GPHN: variants seen among roughly 807,000 people sequenced by gnomAD.
GPHN encodes gephyrin.
A neutral mutation model predicts 95.5 loss-of-function variants in GPHN; 17 were observed. The ratio of observed to expected loss-of-function variants is 0.18; its 90% CI spans 0.12 to 0.27. The LOEUF (loss-of-function observed/expected upper bound fraction) is 0.27, where lower values mean the gene tolerates loss of function less well. Among genes scored for constraint, GPHN ranks in the 10% least tolerant of loss-of-function variants. The probability of loss-of-function intolerance (pLI) is 1.00; values close to 1 mark genes in which losing one functional copy is unlikely to be tolerated. For missense variants in GPHN, 660 were observed against 978.1 expected, an observed-to-expected ratio of 0.67 and a Z score of 4.34; for synonymous variants, 320 against 322.5, an observed-to-expected ratio of 0.99 and a Z score of 0.08.
chr14:67,511,841 G>T, the GPHN span, among the ~76,000 whole-genome samples: 6 of 152,224 alleles, frequency 3.9e-5, no homozygotes, highest in Non-Finnish European at 7.3e-5. Flanking sequence ...GCAGCCTGAT[G>T]AATGGGAAAA....
chr14:67,344,817 G>C, the GPHN span, among the ~76,000 whole-genome samples: 46 of 151,504 alleles, frequency 3.0e-4, no homozygotes, highest in Non-Finnish European at 5.9e-4. Flanking sequence ...GGAGATCCAG[G>C]CTGCAGTTAG....
At chr14:67,423,940 T>TA in the GPHN span, among the ~76,000 whole-genome samples, 1 of 152,196 alleles carries the variant, frequency 6.6e-6, no homozygotes, top group African/African-American at 2.4e-5. Flanking sequence ...GGCACTTTTT[T>TA]AAAAAGTAGG....
chr14:66,966,358 G>C (rs1267134458), intron 9 of GPHN, among the ~76,000 whole-genome samples: 1 of 151,918 alleles, frequency 6.6e-6, no homozygotes. Flanking sequence ...AATGTTTCCA[G>C]TGTTACTGTT....
intron 11 of GPHN, among the ~76,000 whole-genome samples, chr14:67,064,394 C>T (rs1014881377): frequency 6.6e-6 from 1 of 152,064 alleles, no homozygotes; most frequent in Non-Finnish European, 1.5e-5. Context: ...CTAAAATTCT[C>T]TTTTTTTGTT....
the GPHN span, chr14:67,593,968 G>C: frequency 6.4e-7 from 1 of 1,562,498 alleles, no homozygotes; most frequent in Non-Finnish European, 8.8e-7. Flanking sequence ...GAGAGAGCCA[G>C]ACACAGACAG....
the GPHN span, among the ~76,000 whole-genome samples, chr14:67,584,683 T>C: frequency 1.3e-5 from 2 of 152,174 alleles, no homozygotes; most frequent in African/African-American, 4.8e-5. Context: ...ATTCAACAAA[T>C]AGTTGAGCTC....
chr14:66,817,315 A>G (rs2061013276), intron 3 of GPHN, among the ~76,000 whole-genome samples: 1 of 152,154 alleles, frequency 6.6e-6, no homozygotes. Flanking sequence ...AAATTAACTT[A>G]TATAATCATA....
chr14:66,972,886 C>T (rs1031639093), intron 9 of GPHN, among the ~76,000 whole-genome samples: 1 of 152,054 alleles, frequency 6.6e-6, no homozygotes, highest in African/African-American at 2.4e-5. Context: ...GATCTACTGC[C>T]TTAATTTATA....
At chr14:67,544,469 T>C in the GPHN span, among the ~76,000 whole-genome samples, 1 of 151,960 alleles carries the variant, frequency 6.6e-6, no homozygotes, top group Non-Finnish European at 1.5e-5. Flanking sequence ...GAATATATAA[T>C]CAAAAATGAC....
intron 2 of GPHN, among the ~76,000 whole-genome samples, chr14:66,695,944 T>C (rs966170647): frequency 3.3e-5 from 5 of 152,184 alleles, no homozygotes; most frequent in African/African-American, 1.2e-4. Context: ...CATGTTATGA[T>C]GCATTGTCTA....
At chr14:66,656,016 T>C (rs1461428680) in intron 1 of GPHN, among the ~76,000 whole-genome samples, 3 of 152,160 alleles carry the variant, frequency 2.0e-5, no homozygotes, top group African/African-American at 7.2e-5. Context: ...TTGTTAAGGA[T>C]CTTTTGGATA....
the GPHN span, among the ~76,000 whole-genome samples, chr14:67,510,157 A>G: frequency 6.6e-6 from 1 of 152,244 alleles, no homozygotes; most frequent in Non-Finnish European, 1.5e-5. Context: ...GATAATTAAT[A>G]GTAGCTATCT....
intron 10 of GPHN, among the ~76,000 whole-genome samples, chr14:67,058,283 G>A (rs906497646): frequency 6.6e-6 from 1 of 152,100 alleles, no homozygotes; most frequent in Non-Finnish European, 1.5e-5. Context: ...AAAATTTTGC[G>A]ATTTTGATTG....
At chr14:66,991,046 T>C (rs2071385468) in intron 9 of GPHN, among the ~76,000 whole-genome samples, 1 of 151,990 alleles carries the variant, frequency 6.6e-6, no homozygotes, top group Non-Finnish European at 1.5e-5. Context: ...CAATATAAAA[T>C]AGAATATTCT....
rs760018047 is a variant in GPHN at position 67,147,935 on chromosome 14, C to T, written c.1836+4486C>T. On this transcript the variant is annotated intron_variant, in intron 18 of 22. Transcript: ENST00000478722. Reference sequence around the variant, plus strand: ...ATTTCTTTTTATAGATGAAAACAAACCTGGGATTTTCTAGAGGCCCTCTAG... The same window carrying T: ...ATTTCTTTTTATAGATGAAAACAAATCTGGGATTTTCTAGAGGCCCTCTAG... Among the ~76,000 whole-genome samples, 13 of 151,934 alleles carry T rather than the reference C, an allele frequency of 8.6e-5. 1 individual carries two copies. Among genetic ancestry groups the T allele is most frequent in the Non-Finnish European group, 1.9e-4 (13 of 67,978 alleles).
At chr14:67,315,235 T>C in the GPHN span, among the ~76,000 whole-genome samples, 1 of 151,996 alleles carries the variant, frequency 6.6e-6, no homozygotes, top group Non-Finnish European at 1.5e-5. Context: ...ATTACTTTGT[T>C]CTTGATTTTT....
chr14:67,184,138 C>T (rs1337963486), downstream of GPHN, among the ~76,000 whole-genome samples: 1 of 152,158 alleles, frequency 6.6e-6, no homozygotes. Context: ...AGTCTATCTT[C>T]TTTAAGTTAC....
chr14:66,929,401 G>A (rs181089063), intron 8 of GPHN, among the ~76,000 whole-genome samples: 1 of 152,082 alleles, frequency 6.6e-6, no homozygotes, highest in East Asian at 1.9e-4. Context: ...TTAAAGTGGG[G>A]TGTTGAAGTC....
intron 4 of GPHN, among the ~76,000 whole-genome samples, chr14:66,856,589 C>G (rs1046786746): frequency 6.6e-6 from 1 of 151,920 alleles, no homozygotes; most frequent in African/African-American, 2.4e-5. Context: ...TATCTAAACA[C>G]AGGATGAAGA....
Sources: allele counts gnomAD v4.1 joint callset (sites outside exome capture counted in the v4.1 genomes callset), GRCh38; gene constraint gnomAD v4.1.1; transcripts MANE v1.5; gene names NCBI Gene and HGNC (gene_info 2026-07-23, HGNC 2026-07-21).